Variants in MITF observed in about 807,000 individuals in gnomAD.
MITF encodes the protein melanocyte inducing transcription factor.
MITF carries 17 observed loss-of-function variants against 60.5 expected under a neutral mutation model. The observed-to-expected ratio is 0.28, with a 90% CI of 0.19 to 0.42. The LOEUF (loss-of-function observed/expected upper bound fraction) is 0.42, where lower values mean the gene tolerates loss of function less well. Ranked by LOEUF, MITF falls within the 10% of genes least tolerant of loss-of-function variation. MITF has a pLI of 1.00. For synonymous variants in MITF, 260 were observed against 248.5 expected (o/e 1.05, Z -0.43); for missense variants, 622 against 683.5 (o/e 0.91, Z 1.00).
chr3:69,952,211 C>T (rs1057271304), intron 7 of MITF, among the ~76,000 whole-genome samples: 22 of 151,928 alleles, frequency 1.4e-4, no homozygotes, highest in Admixed American at 7.2e-4. Flanking sequence ...ATAAGTGTTG[C>T]TCACACTGGA....
At chr3:69,860,597 CAAAAAA>C (rs1039213953) in intron 1 of MITF, among the ~76,000 whole-genome samples, 2 of 60,782 alleles carry the variant, frequency 3.3e-5, no homozygotes, top group East Asian at 5.4e-4. Context: ...GACTCCGTCT[CAAAAAA>C]AAAAAAAAAA....
chr3:69,744,693 G>T (rs756549046), intron 1 of MITF, among the ~76,000 whole-genome samples: 7 of 152,230 alleles, frequency 4.6e-5, no homozygotes, highest in African/African-American at 7.2e-5. Flanking sequence ...GCATTTGCTT[G>T]ACTGTGGTTG....
intron 2 of MITF, among the ~76,000 whole-genome samples, chr3:69,910,076 C>T (rs1044559519): frequency 1.3e-5 from 2 of 152,142 alleles, no homozygotes; most frequent in Non-Finnish European, 2.9e-5. Context: ...ATTCCCAGCA[C>T]AATCCCTGTG....
intron 1 of MITF, among the ~76,000 whole-genome samples, chr3:69,811,875 C>T (rs1196201655): frequency 1.3e-5 from 2 of 152,158 alleles, no homozygotes; most frequent in African/African-American, 2.4e-5. Context: ...GGCTGCAACT[C>T]GATGGCCCAT....
chr3:69,914,835 A>G (rs1030995477), intron 2 of MITF, among the ~76,000 whole-genome samples: 4 of 152,142 alleles, frequency 2.6e-5, no homozygotes, highest in African/African-American at 9.7e-5. Context: ...TTCCTTTAGC[A>G]GTTAAGGCCA....
rs1258279223 is a variant in MITF at position 69,966,489 on chromosome 3, T to A, written c.*1241T>A. 1 of 232,774 alleles carries A rather than the reference T, an allele frequency of 4.3e-6. No individual in the cohort carries two copies. Among genetic ancestry groups the A allele is most frequent in the Non-Finnish European group, 8.5e-6 (1 of 117,596 alleles). 14.4% of individuals were successfully genotyped at this position (232,774 alleles called of 1,614,324 possible). A position where few individuals can be genotyped will look rare whatever the true frequency, so the allele number is the denominator to read the frequency against. ...TTAGGACATGAAAATAGCAATATTC[T>A]TGGAGATTGATAACCATAGCATTAA... On this transcript the variant is annotated 3_prime_UTR_variant, in exon 10 of 10. Transcript: ENST00000352241.
At chr3:69,773,246 G>A (rs2062420757) in intron 1 of MITF, among the ~76,000 whole-genome samples, 1 of 152,132 alleles carries the variant, frequency 6.6e-6, no homozygotes. Flanking sequence ...TGAGCAAAGT[G>A]GGGAGTTCCA....
At chr3:69,739,861 G>A (rs1323085017) in intron 1 of MITF, among the ~76,000 whole-genome samples, 160 bp downstream of exon 1, 1 of 152,032 alleles carries the variant, frequency 6.6e-6, no homozygotes, top group Non-Finnish European at 1.5e-5. Flanking sequence ...TGGGGGCCGC[G>A]CCTGCCCGGC....
At chr3:69,767,726 G>A (rs1025853044) in intron 1 of MITF, among the ~76,000 whole-genome samples, 3 of 152,176 alleles carry the variant, frequency 2.0e-5, no homozygotes, top group Non-Finnish European at 4.4e-5. Context: ...GAGTGTGGCT[G>A]GAGCACCAGG....
intron 1 of MITF, among the ~76,000 whole-genome samples, chr3:69,866,002 G>A (rs1184156524): frequency 2.0e-5 from 3 of 152,176 alleles, no homozygotes; most frequent in African/African-American, 4.8e-5. Flanking sequence ...TAAGCTTCCC[G>A]AGGTGCTTGC....
chr3:69,950,495 C>T (rs1475320899), intron 6 of MITF, among the ~76,000 whole-genome samples: 1 of 146,752 alleles, frequency 6.8e-6, no homozygotes, highest in Non-Finnish European at 1.5e-5. Flanking sequence ...CATACACACA[C>T]ACACATAGAT....
In MITF at chr3:69,786,799, C is replaced by T. The variant is rs565345202; in HGVS notation, c.104+47098C>T. 9.9e-5 allele frequency among the ~76,000 whole-genome samples: 15 copies of T among 152,280 alleles called. No homozygotes were observed. In the South Asian group the frequency reaches 3.1e-3, roughly 32 times the overall value. On this transcript the variant is annotated intron_variant, in intron 1 of 9. Coordinates refer to ENST00000352241, the MANE Select transcript of MITF (RefSeq NM_001354604.2). ...TTGGAGGAGCATATTAGGTAAAAAT[C>T]CATTCAGTTGGAAATGACCGAAAGT...
intron 5 of MITF, among the ~76,000 whole-genome samples, chr3:69,942,553 AG>A (rs2065993392): frequency 6.6e-6 from 1 of 152,010 alleles, no homozygotes; most frequent in Admixed American, 6.6e-5. Context: ...TGAAACCTCA[AG>A]CTTCTTTTAT....
chr3:69,913,210 T>G (rs2065261028), intron 2 of MITF, among the ~76,000 whole-genome samples: 1 of 152,110 alleles, frequency 6.6e-6, no homozygotes, highest in Admixed American at 6.5e-5. Flanking sequence ...TGTAAACTCT[T>G]AAATTAATTA....
chr3:69,777,103 G>A (rs1575696543), intron 1 of MITF, among the ~76,000 whole-genome samples: 2 of 152,268 alleles, frequency 1.3e-5, no homozygotes, highest in East Asian at 3.9e-4. Flanking sequence ...GTTAGTCAGG[G>A]TCAGTGTTGG....
chr3:69,900,771 A>C (rs1036364545), intron 2 of MITF, among the ~76,000 whole-genome samples: 5 of 152,226 alleles, frequency 3.3e-5, no homozygotes, highest in African/African-American at 9.6e-5. Context: ...AAGGATGAGG[A>C]GCAATGCTCA....
intron 5 of MITF, among the ~76,000 whole-genome samples, chr3:69,944,086 C>G (rs2066035176): frequency 6.6e-6 from 1 of 151,970 alleles, no homozygotes; most frequent in Non-Finnish European, 1.5e-5. Context: ...AGAGCAAGAC[C>G]CTGTTTTTAG....
intron 2 of MITF, among the ~76,000 whole-genome samples, chr3:69,918,787 G>C (rs1179003479): frequency 6.6e-6 from 1 of 152,158 alleles, no homozygotes; most frequent in Non-Finnish European, 1.5e-5. Context: ...CTCAATAAAA[G>C]TTAACCTTCC....
Position 69,932,817 on chromosome 3 carries a change from C to CT in MITF, c.355-4999dup, listed in dbSNP as rs1320549230. ...AAAGCTAGCTTTCTCTGTTTTACCGCTTTTTTCAGGAAATATGATTGCATA... is the reference window on the plus strand; with the variant it reads ...AAAGCTAGCTTTCTCTGTTTTACCGCTTTTTTTCAGGAAATATGATTGCATA... On this transcript the variant is annotated intron_variant, in intron 2 of 9. Transcript: ENST00000352241. Among the ~76,000 whole-genome samples, 7 of 152,164 alleles carry CT rather than the reference C, an allele frequency of 4.6e-5. No homozygotes were observed. In the Middle Eastern group the frequency reaches 0.014, roughly 296 times the overall value.
Sources: gnomAD v4.1 joint callset for allele counts (sites outside exome capture counted in the v4.1 genomes callset) on GRCh38, gnomAD v4.1.1 for gene constraint, MANE v1.5 for transcripts, NCBI Gene and HGNC (gene_info 2026-07-23, HGNC 2026-07-21) for gene names.